PRKG1: variants seen among roughly 807,000 people sequenced by gnomAD.
PRKG1 encodes the protein cGMP-dependent protein kinase 1.
A neutral mutation model predicts 88.1 loss-of-function variants in PRKG1; 35 were observed. The observed-to-expected ratio is 0.40, with a 90% CI of 0.30 to 0.53. PRKG1 has a LOEUF of 0.53. PRKG1 is among the 20% of genes least tolerant of loss of function. The pLI, the probability that PRKG1 is intolerant of heterozygous loss-of-function variation, is 0.59. For synonymous variants in PRKG1, 303 were observed against 292.5 expected (o/e 1.04, Z -0.37); for missense variants, 540 against 839.8 (o/e 0.64, Z 4.41).
At chr10:51,186,957 TA>T (rs1564631482) in intron 2 of PRKG1, among the ~76,000 whole-genome samples, 87 of 44,896 alleles carry the variant, frequency 1.9e-3, no homozygotes, top group Middle Eastern at 0.01. Flanking sequence ...CCCTGTGTTA[TA>T]TATATATATA....
intron 2 of PRKG1, among the ~76,000 whole-genome samples, chr10:51,388,140 T>C (rs1218652288): frequency 3.3e-5 from 5 of 152,228 alleles, no homozygotes; most frequent in Admixed American, 2.0e-4. Context: ...TCAAGCCATA[T>C]ATAAGACCGT....
At chr10:51,291,125 ACTCTT>A (rs1213189379) in intron 2 of PRKG1, among the ~76,000 whole-genome samples, 1 of 151,986 alleles carries the variant, frequency 6.6e-6, no homozygotes, top group Non-Finnish European at 1.5e-5. Flanking sequence ...TATCAAAATG[ACTCTT>A]CTCTTCCAAA....
At chr10:51,881,599 C>A (rs1320639776) in intron 4 of PRKG1, among the ~76,000 whole-genome samples, 1 of 152,102 alleles carries the variant, frequency 6.6e-6, no homozygotes, top group Non-Finnish European at 1.5e-5. Context: ...ACTGGCATAG[C>A]CATTCTATTT....
intron 2 of PRKG1, among the ~76,000 whole-genome samples, chr10:51,225,737 T>C (rs891316353): frequency 1.3e-5 from 2 of 152,014 alleles, no homozygotes; most frequent in Admixed American, 1.3e-4. Flanking sequence ...AACTGAGACT[T>C]TAAAAAATCT....
intron 3 of PRKG1, among the ~76,000 whole-genome samples, chr10:51,488,523 C>T (rs780096444): frequency 6.6e-6 from 1 of 152,118 alleles, no homozygotes; most frequent in Non-Finnish European, 1.5e-5. Flanking sequence ...GCACTATAAA[C>T]CAGCTCCGTA....
At chr10:51,811,813 C>G (rs1420392719) in intron 4 of PRKG1, among the ~76,000 whole-genome samples, 1 of 152,148 alleles carries the variant, frequency 6.6e-6, no homozygotes, top group Non-Finnish European at 1.5e-5. Context: ...CAGAGATGCC[C>G]TTGTAATATC....
At position 51,680,016 on chromosome 10, in the gene PRKG1, T is replaced by C. The variant is rs185241255; in HGVS notation, c.593-124569T>C. On this transcript the variant is annotated intron_variant, in intron 3 of 17. Coordinates refer to ENST00000373980, the MANE Select transcript of PRKG1 (RefSeq NM_006258.4). ...ATCAAAGGCTACTCTACCTACAACC[T>C]CCCCCTTCCACCACATCTCAGATGG... is the stretch of plus-strand genomic sequence containing the variant. Among the ~76,000 whole-genome samples, 805 of 151,458 alleles carry C rather than the reference T, an allele frequency of 5.3e-3. 8 individuals are homozygous for C. The highest frequency in any genetic ancestry group is 0.018 in the African/African-American group (762 of 41,282).
chr10:52,223,534 C>T (rs538808109), intron 9 of PRKG1, among the ~76,000 whole-genome samples: 8 of 152,158 alleles, frequency 5.3e-5, no homozygotes, highest in Non-Finnish European at 1.2e-4. Context: ...TTGATCTCCT[C>T]TCTTCTCTAT....
At chr10:51,902,926 T>A (rs985378431) in intron 4 of PRKG1, among the ~76,000 whole-genome samples, 4 of 152,162 alleles carry the variant, frequency 2.6e-5, no homozygotes, top group Non-Finnish European at 5.9e-5. Context: ...TCACAGGAAA[T>A]CCCTGGGTTC....
At chr10:51,793,380 A>G (rs1838923483) in intron 3 of PRKG1, among the ~76,000 whole-genome samples, 1 of 152,112 alleles carries the variant, frequency 6.6e-6, no homozygotes, top group Non-Finnish European at 1.5e-5. Context: ...GGAAAAAAGA[A>G]CAAAAAACTT....
chr10:51,953,428 T>C (rs1843230844), intron 5 of PRKG1, among the ~76,000 whole-genome samples: 2 of 152,184 alleles, frequency 1.3e-5, no homozygotes, highest in African/African-American at 4.8e-5. Flanking sequence ...TGTGCTGGCA[T>C]CATCAAAGGA....
chr10:51,337,702 AC>A (rs1488022860), intron 2 of PRKG1, among the ~76,000 whole-genome samples: 1 of 152,246 alleles, frequency 6.6e-6, no homozygotes, highest in Non-Finnish European at 1.5e-5. Context: ...ACGATGAGAT[AC>A]CGTCTCATGC....
At position 51,712,877 on chromosome 10, in the gene PRKG1, T is replaced by C. The variant is rs111895159; in HGVS notation, c.593-91708T>C. Among the ~76,000 whole-genome samples, 118 of 152,258 alleles carry C rather than the reference T, an allele frequency of 7.7e-4. 7 individuals carry two copies. The highest frequency in any genetic ancestry group is 6.8e-3 in the Middle Eastern group (2 of 294). ...TCCTCATCCTCACATAAGACAGCCA[T>C]GTGAATCCAAACAATTATTATTAGA... is the stretch of plus-strand genomic sequence containing the variant. On this transcript the variant is annotated intron_variant, in intron 3 of 17. Transcript: ENST00000373980.
At chr10:51,768,103 A>G (rs1306160505) in intron 3 of PRKG1, among the ~76,000 whole-genome samples, 1 of 152,196 alleles carries the variant, frequency 6.6e-6, no homozygotes, top group African/African-American at 2.4e-5. Flanking sequence ...GGATTTACAT[A>G]ATTTCACAGA....
chr10:51,496,532 A>G (rs986116927), intron 3 of PRKG1, among the ~76,000 whole-genome samples: 2 of 152,174 alleles, frequency 1.3e-5, no homozygotes, highest in East Asian at 3.9e-4. Context: ...TCACAGATCC[A>G]GCTGTCCCTT....
intron 2 of PRKG1, among the ~76,000 whole-genome samples, chr10:51,277,685 T>C (rs993962588): frequency 1.3e-5 from 2 of 152,196 alleles, no homozygotes; most frequent in African/African-American, 4.8e-5. Flanking sequence ...CCCTTGTAAG[T>C]TGGATTCCTA....
At chr10:51,318,731 G>T (rs1841383152) in intron 2 of PRKG1, among the ~76,000 whole-genome samples, 1 of 152,118 alleles carries the variant, frequency 6.6e-6, no homozygotes, top group Non-Finnish European at 1.5e-5. Context: ...GAGGAGGAAA[G>T]CTAGAGTATA....
At chr10:51,201,611 T>TGATA (rs1284398936) in intron 2 of PRKG1, among the ~76,000 whole-genome samples, 3 of 152,156 alleles carry the variant, frequency 2.0e-5, no homozygotes, top group African/African-American at 7.2e-5. Flanking sequence ...ATCTCCAATA[T>TGATA]GATAGTGCAT....
chr10:51,767,360 G>A (rs1838191699), intron 3 of PRKG1, among the ~76,000 whole-genome samples: 1 of 152,100 alleles, frequency 6.6e-6, no homozygotes, highest in Admixed American at 6.5e-5. Flanking sequence ...TATATAAATG[G>A]TGGAAAAGTG....
Sources: allele counts gnomAD v4.1 joint callset (sites outside exome capture counted in the v4.1 genomes callset), GRCh38; gene constraint gnomAD v4.1.1; transcripts MANE v1.5; gene names NCBI Gene and HGNC (gene_info 2026-07-23, HGNC 2026-07-21).